The following ADAMTS6 variants were observed in gnomAD, a reference collection of about 807,000 sequenced individuals.
ADAMTS6 encodes A disintegrin and metalloproteinase with thrombospondin motifs 6.
A neutral mutation model predicts 144.3 loss-of-function variants in ADAMTS6; 23 were observed. That is an observed-to-expected ratio of 0.16 (90% confidence interval 0.11 to 0.23). ADAMTS6 has a LOEUF of 0.23. ADAMTS6 is among the 10% of genes least tolerant of loss of function. The probability of loss-of-function intolerance (pLI) is 1.00; values close to 1 mark genes in which losing one functional copy is unlikely to be tolerated. For synonymous variants in ADAMTS6, 444 were observed against 457.5 expected, an observed-to-expected ratio of 0.97 and a Z score of 0.38; for missense variants, 999 against 1,379.6, an observed-to-expected ratio of 0.72 and a Z score of 4.37.
At chr5:65,309,546 G>A (rs1258223090) in intron 9 of ADAMTS6, among the ~76,000 whole-genome samples, 1 of 151,754 alleles carries the variant, frequency 6.6e-6, no homozygotes, top group Non-Finnish European at 1.5e-5. Context: ...TTCCCACTGT[G>A]CGGCCCAGTT....
chr5:65,474,603 CATTTCAAGTATTACAACAG>C (rs1760710233), intron 1 of ADAMTS6, among the ~76,000 whole-genome samples: 1 of 151,930 alleles, frequency 6.6e-6, no homozygotes, highest in Non-Finnish European at 1.5e-5. Flanking sequence ...TTTAAAACTT[CATTTCAAGTATTACAACAG>C]ATTTCAAGTC....
intron 20 of ADAMTS6, among the ~76,000 whole-genome samples, chr5:65,197,440 C>T (rs1017424363): frequency 1.3e-5 from 2 of 152,018 alleles, no homozygotes; most frequent in Non-Finnish European, 2.9e-5. Flanking sequence ...TTCGTGCTTC[C>T]CTTAACAAAC....
At chr5:65,172,550 A>G (rs1340042176) in intron 23 of ADAMTS6, among the ~76,000 whole-genome samples, 1 of 152,152 alleles carries the variant, frequency 6.6e-6, no homozygotes, top group Non-Finnish European at 1.5e-5. Flanking sequence ...TCAGATCTCT[A>G]TCGGTTATTC....
intron 9 of ADAMTS6, among the ~76,000 whole-genome samples, chr5:65,329,049 T>A (rs1461382816): frequency 6.6e-6 from 1 of 152,138 alleles, no homozygotes; most frequent in Non-Finnish European, 1.5e-5. Flanking sequence ...TCAATGATTT[T>A]AAAATATATA....
intron 7 of ADAMTS6, among the ~76,000 whole-genome samples, chr5:65,438,186 A>T (rs1385658049): frequency 6.6e-6 from 1 of 152,180 alleles, no homozygotes; most frequent in East Asian, 1.9e-4. Flanking sequence ...CTGATTTTCA[A>T]AATGGAATAT....
At chr5:65,375,715 G>A (rs554047256) in intron 7 of ADAMTS6, among the ~76,000 whole-genome samples, 15 of 152,178 alleles carry the variant, frequency 9.9e-5, no homozygotes, top group African/African-American at 3.6e-4. Context: ...ATTCCTCAGG[G>A]ATCTAGAACT....
intron 14 of ADAMTS6, among the ~76,000 whole-genome samples, chr5:65,255,732 C>T (rs1308354216): frequency 6.6e-6 from 1 of 150,874 alleles, no homozygotes; most frequent in South Asian, 2.1e-4. Flanking sequence ...CAGTTCTTTG[C>T]TAATTTTTAA....
chr5:65,401,286 C>T (rs935812738), intron 7 of ADAMTS6, among the ~76,000 whole-genome samples: 1 of 152,108 alleles, frequency 6.6e-6, no homozygotes, highest in African/African-American at 2.4e-5. Flanking sequence ...TTTTTCTCCC[C>T]TTTTAGGTGG....
intron 11 of ADAMTS6, among the ~76,000 whole-genome samples, chr5:65,283,304 C>G (rs1561374738): frequency 6.6e-6 from 1 of 151,912 alleles, no homozygotes; most frequent in Non-Finnish European, 1.5e-5. Context: ...ATAGTTTAAT[C>G]CTGTTATGTT....
chr5:65,479,490 A>T lies in ADAMTS6; in HGVS notation c.-280+1853T>A, dbSNP rs10035461. On this transcript the variant is annotated intron_variant, in intron 1 of 24. Transcript: ENST00000381055. ...TAAATACACATTTTCTGTATTATAA[A>T]TTTTTTCTCTTGAGCTTAGCTTGAT... 2.0e-3 allele frequency among the ~76,000 whole-genome samples: 306 copies of T among 152,290 alleles called. 4 individuals carry two copies. Among genetic ancestry groups the T allele is most frequent in the African/African-American group, 7.2e-3 (301 of 41,558 alleles).
chr5:65,186,732 CAT>C (rs1398135474), intron 22 of ADAMTS6, among the ~76,000 whole-genome samples: 1 of 152,188 alleles, frequency 6.6e-6, no homozygotes, highest in Admixed American at 6.5e-5. Flanking sequence ...GATATCTCTA[CAT>C]ATGATTGAAA....
intron 14 of ADAMTS6, 147 bp downstream of exon 14, chr5:65,260,453 C>T (rs531483780): frequency 1.6e-6 from 1 of 638,034 alleles, no homozygotes; most frequent in East Asian, 2.8e-5. Flanking sequence ...GAGCTGAGGC[C>T]AGCTCCATTC....
At chr5:65,454,755 T>C (rs776723606) in intron 4 of ADAMTS6, among the ~76,000 whole-genome samples, 40 of 152,060 alleles carry the variant, frequency 2.6e-4, no homozygotes, top group South Asian at 2.1e-4. Context: ...CTGAAGACAA[T>C]CATCCAAAAA....
At chr5:65,423,502 A>G (rs1026500761) in intron 7 of ADAMTS6, among the ~76,000 whole-genome samples, 10 of 152,196 alleles carry the variant, frequency 6.6e-5, no homozygotes, top group African/African-American at 2.2e-4. Context: ...AATATTAAAA[A>G]CAATTATTCT....
At chr5:65,200,390 C>A (rs1755656066) in intron 20 of ADAMTS6, among the ~76,000 whole-genome samples, 1 of 152,102 alleles carries the variant, frequency 6.6e-6, no homozygotes, top group African/African-American at 2.4e-5. Flanking sequence ...AGTTTAGATT[C>A]TTTTTATATG....
At chr5:65,170,037 T>TAAAAAC (rs895581244) in intron 24 of ADAMTS6, among the ~76,000 whole-genome samples, 5 of 151,972 alleles carry the variant, frequency 3.3e-5, no homozygotes, top group African/African-American at 9.7e-5. Flanking sequence ...AAAGTATAAT[T>TAAAAAC]AAAAACAAAA....
At chr5:65,471,893 T>C (rs916775853) in intron 2 of ADAMTS6, among the ~76,000 whole-genome samples, 8 of 152,210 alleles carry the variant, frequency 5.3e-5, no homozygotes, top group Non-Finnish European at 1.2e-4. Flanking sequence ...CCAGCAATCC[T>C]ACTCTCAGGT....
intron 22 of ADAMTS6, among the ~76,000 whole-genome samples, chr5:65,179,649 T>C (rs1387723516): frequency 6.6e-6 from 1 of 152,030 alleles, no homozygotes; most frequent in East Asian, 1.9e-4. Context: ...TTTAGGCTAC[T>C]TGGATAAAAA....
chr5:65,284,370 T>C (rs759419760), intron 11 of ADAMTS6, among the ~76,000 whole-genome samples: 4 of 151,986 alleles, frequency 2.6e-5, no homozygotes, highest in Non-Finnish European at 5.9e-5. Flanking sequence ...AATTAATATA[T>C]TAAGAAAATA....
Sources: gnomAD v4.1 joint callset for allele counts (sites outside exome capture counted in the v4.1 genomes callset) on GRCh38, gnomAD v4.1.1 for gene constraint, MANE v1.5 for transcripts, NCBI Gene and HGNC (gene_info 2026-07-23, HGNC 2026-07-21) for gene names.